STPG2: variants seen among roughly 807,000 people sequenced by gnomAD.
STPG2 encodes the protein sperm-tail PG-rich repeat-containing protein 2.
STPG2 carries 56 observed loss-of-function variants against 54.2 expected under a neutral mutation model. That is an observed-to-expected ratio of 1.03 (90% CI 0.83 to 1.29). STPG2 has a LOEUF of 1.29. Ranked by LOEUF, STPG2 falls within the 50% of genes most tolerant of loss-of-function variation. The pLI is 0.00. For synonymous variants in STPG2, 200 were observed against 181.8 expected (o/e 1.10, Z -0.81); for missense variants, 596 against 544.9 (o/e 1.09, Z -0.93).
chr4:97,564,860 G>A (rs187831752), intron 10 of STPG2, among the ~76,000 whole-genome samples: 14 of 152,152 alleles, frequency 9.2e-5, no homozygotes, highest in South Asian at 4.2e-4. Flanking sequence ...TCTGGCTGCC[G>A]TTAACATTTT....
intron 10 of STPG2, among the ~76,000 whole-genome samples, chr4:97,607,128 G>C (rs1449836551): frequency 6.6e-6 from 1 of 151,944 alleles, no homozygotes; most frequent in Non-Finnish European, 1.5e-5. Flanking sequence ...CCCACAATTT[G>C]ATATACATTA....
At position 98,082,433 on chromosome 4, in the gene STPG2, C is replaced by CTTTTTTTTTTTTTTTTTTT. The variant is rs70955915; in HGVS notation, c.612+23501_612+23519dup. Among the ~76,000 whole-genome samples, 2 of 71,402 alleles carry CTTTTTTTTTTTTTTTTTTT rather than the reference C, an allele frequency of 2.8e-5. 1 individual carries two copies. The highest frequency in any genetic ancestry group is 8.4e-4 in the East Asian group (2 of 2,382). The allele number at this position is 71,402 out of a possible 152,430, so 46.8% of individuals were successfully genotyped here. A position where few individuals can be genotyped will look rare whatever the true frequency, so the allele number is the denominator to read the frequency against. On this transcript the variant is annotated intron_variant, in intron 5 of 10. Coordinates refer to ENST00000295268, the MANE Select transcript of STPG2 (RefSeq NM_174952.3). Reference sequence around the variant, plus strand: ...CCCATCTTTCCCATGTGCAGGTCCACTTTTTTTTTTTTTTTTTTTTTTTTT... The same window carrying CTTTTTTTTTTTTTTTTTTT: ...CCCATCTTTCCCATGTGCAGGTCCACTTTTTTTTTTTTTTTTTTTTTTTTTTTTTTTTTTTTTTTTTTTT...
chr4:97,813,128 C>T (rs1007860990), intron 9 of STPG2, among the ~76,000 whole-genome samples: 5 of 152,140 alleles, frequency 3.3e-5, no homozygotes, highest in Non-Finnish European at 7.3e-5. Flanking sequence ...CTTTTCTGCA[C>T]TAGTCTCTCA....
intron 8 of STPG2, among the ~76,000 whole-genome samples, chr4:97,894,364 C>T (rs574081326): frequency 6.6e-6 from 1 of 151,988 alleles, no homozygotes; most frequent in East Asian, 1.9e-4. Context: ...CAATGTAGTA[C>T]AATTTCCCAT....
In STPG2 at chr4:98,017,068, C is replaced by A. The variant is rs116093064; in HGVS notation, c.613-35750G>T. Among the ~76,000 whole-genome samples the A allele has an allele frequency of 3.9e-3, 589 of 152,310 alleles. 3 individuals carry two copies. Among genetic ancestry groups the A allele is most frequent in the African/African-American group, 0.014 (562 of 41,574 alleles). On this transcript the variant is annotated intron_variant, in intron 5 of 10. Transcript: ENST00000295268. ...TGTTGCCTGTGTCCACAGGTGCTAG[C>A]CTGAAGCCTGAGTCTGCAGGGGCTG...
chr4:97,566,268 C>G (rs1053553951), intron 10 of STPG2, among the ~76,000 whole-genome samples: 2 of 152,166 alleles, frequency 1.3e-5, no homozygotes, highest in Non-Finnish European at 2.9e-5. Context: ...TCCTGGTGCA[C>G]CATTTTTTAA....
chr4:97,957,532 T>G (rs546891269), intron 7 of STPG2, among the ~76,000 whole-genome samples: 1 of 152,096 alleles, frequency 6.6e-6, no homozygotes, highest in Non-Finnish European at 1.5e-5. Context: ...CCAGCCTTGC[T>G]AAAGACCTAG....
At chr4:97,744,580 C>T (rs1433678956) in intron 9 of STPG2, among the ~76,000 whole-genome samples, 2 of 151,212 alleles carry the variant, frequency 1.3e-5, no homozygotes, top group African/African-American at 4.8e-5. Context: ...CTTCCTAAGA[C>T]CCCCAGTGGA....
chr4:97,713,929 C>A (rs777781209), intron 9 of STPG2, among the ~76,000 whole-genome samples: 7 of 152,026 alleles, frequency 4.6e-5, no homozygotes, highest in Non-Finnish European at 1.0e-4. Context: ...TAGAGGTCTA[C>A]TATATCAAAT....
At chr4:97,767,340 C>T (rs1457277540) in intron 9 of STPG2, among the ~76,000 whole-genome samples, 1 of 152,000 alleles carries the variant, frequency 6.6e-6, no homozygotes, top group African/African-American at 2.4e-5. Context: ...TCATTTTGTC[C>T]CATCCTTGCT....
At chr4:98,016,539 C>T (rs1220753589) in intron 5 of STPG2, among the ~76,000 whole-genome samples, 5 of 152,134 alleles carry the variant, frequency 3.3e-5, no homozygotes, top group Non-Finnish European at 7.3e-5. Flanking sequence ...TCAAGTCTGC[C>T]ATTAGAGTTC....
intron 10 of STPG2, among the ~76,000 whole-genome samples, chr4:97,576,974 A>G (rs1224985872): frequency 5.3e-5 from 8 of 152,118 alleles, no homozygotes. Context: ...AGATCTACCA[A>G]TAAACATATG....
intron 10 of STPG2, among the ~76,000 whole-genome samples, chr4:97,684,354 C>G (rs555891877): frequency 1.3e-5 from 2 of 151,848 alleles, no homozygotes; most frequent in Non-Finnish European, 2.9e-5. Flanking sequence ...AAGTATAAAG[C>G]TACAGTGATC....
At chr4:97,688,688 CAT>C (rs1475818340) in intron 10 of STPG2, among the ~76,000 whole-genome samples, 1 of 152,114 alleles carries the variant, frequency 6.6e-6, no homozygotes, top group African/African-American at 2.4e-5. Context: ...GTTCAGGTCA[CAT>C]GTTTCTCTGA....
chr4:97,860,153 G>A (rs1023064766), intron 8 of STPG2, among the ~76,000 whole-genome samples: 12 of 152,212 alleles, frequency 7.9e-5, no homozygotes, highest in South Asian at 6.2e-4. Context: ...TTTAAAGTTC[G>A]GTAATGTGAT....
At chr4:97,827,244 T>C (rs1728287960) in intron 9 of STPG2, among the ~76,000 whole-genome samples, 1 of 150,928 alleles carries the variant, frequency 6.6e-6, no homozygotes, top group Non-Finnish European at 1.5e-5. Flanking sequence ...AGCTTTTTTT[T>C]TTTTTTTTTG....
chr4:97,848,991 T>G (rs1253726913), intron 8 of STPG2, among the ~76,000 whole-genome samples: 1 of 149,908 alleles, frequency 6.7e-6, no homozygotes, highest in Non-Finnish European at 1.5e-5. Context: ...GGGCTCTTTT[T>G]TGGTTCCATA....
intron 7 of STPG2, among the ~76,000 whole-genome samples, chr4:97,954,973 T>C (rs1301981503): frequency 6.6e-6 from 1 of 151,978 alleles, no homozygotes; most frequent in African/African-American, 2.4e-5. Flanking sequence ...ATAAAACAGA[T>C]GAAAAAATAG....
chr4:97,655,982 T>G (rs911988618), intron 10 of STPG2, among the ~76,000 whole-genome samples: 2 of 152,116 alleles, frequency 1.3e-5, no homozygotes, highest in Non-Finnish European at 2.9e-5. Context: ...TCACAAGAGC[T>G]ACATAAATGT....
Sources: gnomAD v4.1 joint callset for allele counts (sites outside exome capture counted in the v4.1 genomes callset) on GRCh38, gnomAD v4.1.1 for gene constraint, MANE v1.5 for transcripts, NCBI Gene and HGNC (gene_info 2026-07-23, HGNC 2026-07-21) for gene names.